The following SMIM14 variants were observed in gnomAD, a reference collection of about 807,000 sequenced individuals.
SMIM14 encodes chromosome 4 open reading frame 34.
A neutral mutation model predicts 12.6 loss-of-function variants in SMIM14; 5 were observed. The ratio of observed to expected loss-of-function variants is 0.40; its 90% CI spans 0.21 to 0.83. SMIM14 has a LOEUF of 0.83. Among genes scored for constraint, SMIM14 ranks in the 40% least tolerant of loss-of-function variants. SMIM14 has a pLI of 0.37. For synonymous variants in SMIM14, 30 were observed against 40.1 expected (o/e 0.75, Z 0.95); for missense variants, 86 against 119.1 (o/e 0.72, Z 1.29).
intron 2 of SMIM14, among the ~76,000 whole-genome samples, chr4:39,580,495 T>G (rs929238061): frequency 5.3e-5 from 8 of 151,288 alleles, no homozygotes; most frequent in Admixed American, 2.6e-4. Flanking sequence ...GTCAGAGGTA[T>G]CTGGGTTCAA....
intron 1 of SMIM14, 140 bp downstream of exon 1, chr4:39,638,599 G>A (rs1045011964): frequency 8.2e-6 from 8 of 977,620 alleles, no homozygotes; most frequent in South Asian, 4.7e-5. Flanking sequence ...CAGCCCGGCC[G>A]AGGAAACGCC....
At chr4:39,588,154 T>C (rs1184001605) in intron 2 of SMIM14, 1 of 152,194 alleles carries the variant, frequency 6.6e-6, no homozygotes, top group African/African-American at 2.4e-5. Context: ...CTGTGTGAAT[T>C]CCAGACACAG....
At chr4:39,622,700 T>G (rs1044478808) in intron 1 of SMIM14, among the ~76,000 whole-genome samples, 4 of 152,228 alleles carry the variant, frequency 2.6e-5, no homozygotes, top group African/African-American at 9.6e-5. Flanking sequence ...ACGCCTGGCC[T>G]GCAAATGTTC....
chr4:39,572,650 C>T (rs1395320236), intron 2 of SMIM14, among the ~76,000 whole-genome samples, 187 bp from the exon 3 acceptor site: 1 of 151,862 alleles, frequency 6.6e-6, no homozygotes, highest in East Asian at 1.9e-4. Flanking sequence ...AGCAATACCC[C>T]ATGTCTACAA....
chr4:39,612,750 G>GC (rs906326969), intron 1 of SMIM14, among the ~76,000 whole-genome samples: 8 of 152,182 alleles, frequency 5.3e-5, no homozygotes, highest in Non-Finnish European at 1.0e-4. Flanking sequence ...GCAGGCACCT[G>GC]CCATCATGCC....
intron 1 of SMIM14, among the ~76,000 whole-genome samples, chr4:39,609,832 C>T (rs960907127): frequency 2.0e-5 from 3 of 152,214 alleles, no homozygotes; most frequent in African/African-American, 7.2e-5. Flanking sequence ...TTAAAATGCT[C>T]TTTCAACAGA....
At chr4:39,581,937 T>A (rs1233978152) in intron 2 of SMIM14, among the ~76,000 whole-genome samples, 1 of 151,240 alleles carries the variant, frequency 6.6e-6, no homozygotes, top group Admixed American at 6.6e-5. Context: ...AATGGCACGA[T>A]CTCTGCTCAC....
Position 39,633,216 on chromosome 4 carries a change from C to T in SMIM14, c.-36+5523G>A, listed in dbSNP as rs369259513. ...GGCTGAGGCAGGAGAATTGCTTGAA[C>T]CCGGGAGGCAGAGGTTACAGTGAGC... On this transcript the variant is annotated intron_variant, in intron 1 of 4. Transcript: ENST00000295958. Among the ~76,000 whole-genome samples, 44 of 152,078 alleles carry T rather than the reference C, an allele frequency of 2.9e-4. 1 individual carries two copies. The East Asian group carries it at 5.4e-3, about 19-fold the overall frequency.
At chr4:39,555,131 C>T (rs1163022027) in intron 4 of SMIM14, among the ~76,000 whole-genome samples, 7 of 149,300 alleles carry the variant, frequency 4.7e-5, no homozygotes, top group Non-Finnish European at 1.0e-4. Flanking sequence ...CCACCGCGCC[C>T]GGCCTCATGG....
intron 2 of SMIM14, among the ~76,000 whole-genome samples, chr4:39,596,622 C>T (rs1413232218): frequency 1.3e-5 from 2 of 152,138 alleles, no homozygotes; most frequent in Admixed American, 1.3e-4. Context: ...CAAACCCTCC[C>T]CACTGTAACC....
chr4:39,600,826 G>A (rs572740607), intron 2 of SMIM14, among the ~76,000 whole-genome samples: 9 of 152,254 alleles, frequency 5.9e-5, no homozygotes, highest in East Asian at 1.9e-4. Flanking sequence ...AGCAGAGATC[G>A]CGCCATTGCA....
At chr4:39,622,464 G>A (rs184905739) in intron 1 of SMIM14, among the ~76,000 whole-genome samples, 48 of 152,184 alleles carry the variant, frequency 3.2e-4, no homozygotes, top group South Asian at 1.0e-3. Context: ...GCAGTGGCAC[G>A]GTCTCGGCTC....
chr4:39,550,129 C>G lies in SMIM14; in HGVS notation c.*1997G>C, dbSNP rs969521449. 6.6e-6 allele frequency: 1 copy of G among 151,942 alleles called. No homozygotes were observed. Among genetic ancestry groups the G allele is most frequent in the African/African-American group, 2.4e-5 (1 of 41,358 alleles). 9.4% of individuals were successfully genotyped at this position (151,942 alleles called of 1,614,324 possible). ...ATACAGAGAATTTATTCAATTCATA[C>G]AAGTAATTTACCAGATCTAAACAGT... On this transcript the variant is annotated 3_prime_UTR_variant, in exon 5 of 5. Transcript: ENST00000295958.
chr4:39,621,232 C>CA (rs1715473438), intron 1 of SMIM14, among the ~76,000 whole-genome samples: 1 of 151,518 alleles, frequency 6.6e-6, no homozygotes. Context: ...AGAGAGAAAA[C>CA]AAAAAAGATA....
chr4:39,574,803 G>T (rs1713080168), intron 2 of SMIM14, among the ~76,000 whole-genome samples: 2 of 152,126 alleles, frequency 1.3e-5, no homozygotes, highest in African/African-American at 4.8e-5. Flanking sequence ...TATTCTCTAA[G>T]ATGATCAGGC....
In SMIM14 at chr4:39,616,274, C is replaced by T. The variant is rs1013477054; in HGVS notation, c.-35-11094G>A. 2.6e-5 allele frequency among the ~76,000 whole-genome samples: 4 copies of T among 152,100 alleles called. No homozygotes were observed. The South Asian group carries it at 6.2e-4, about 24-fold the overall frequency. ...CCTCAGCCTCCCAAGTAATTGGGAA[C>T]ACAGGCGTGTGCCACCATACCTGGC... On this transcript the variant is annotated intron_variant, in intron 1 of 4. Transcript: ENST00000295958.
intron 2 of SMIM14, among the ~76,000 whole-genome samples, chr4:39,585,278 C>A (rs1713729707): frequency 6.6e-6 from 1 of 151,248 alleles, no homozygotes; most frequent in Non-Finnish European, 1.5e-5. Flanking sequence ...TCTAGATATT[C>A]ACATATTACT....
At chr4:39,594,133 C>G (rs533799400) in intron 2 of SMIM14, 192 of 152,290 alleles carry the variant, frequency 1.3e-3, no homozygotes, top group African/African-American at 4.5e-3. Flanking sequence ...GGAGGCATCA[C>G]GGTACCTGAC....
intron 2 of SMIM14, among the ~76,000 whole-genome samples, chr4:39,580,699 G>A (rs1417547201): frequency 6.6e-6 from 1 of 151,778 alleles, no homozygotes; most frequent in Non-Finnish European, 1.5e-5. Context: ...GCTAATTTTT[G>A]TATTTTCAGT....
Sources: allele counts gnomAD v4.1 joint callset (sites outside exome capture counted in the v4.1 genomes callset), GRCh38; gene constraint gnomAD v4.1.1; transcripts MANE v1.5; gene names NCBI Gene and HGNC (gene_info 2026-07-23, HGNC 2026-07-21).